The following CTNNA2 variants were observed in gnomAD, a reference collection of about 807,000 sequenced individuals.
CTNNA2 encodes the protein catenin alpha 2, also known as catenin alpha-2.
A neutral mutation model predicts 101.0 loss-of-function variants in CTNNA2; 42 were observed. The ratio of observed to expected loss-of-function variants is 0.42; its 90% CI spans 0.32 to 0.54. CTNNA2 has a LOEUF of 0.54. CTNNA2 is among the 20% of genes least tolerant of loss of function. The pLI is 0.14. For missense variants in CTNNA2, 871 were observed against 1,223.1 expected (o/e 0.71, Z 4.29); for synonymous variants, 450 against 456.4 (o/e 0.99, Z 0.18).
At chr2:79,438,624 A>G (rs1453679751) in intron 4 of CTNNA2, among the ~76,000 whole-genome samples, 1 of 152,162 alleles carries the variant, frequency 6.6e-6, no homozygotes, top group Non-Finnish European at 1.5e-5. Context: ...GTCTCCTGAC[A>G]TTGCCAAATG....
chr2:80,112,451 A>G (rs1701276846), intron 7 of CTNNA2, among the ~76,000 whole-genome samples: 1 of 152,194 alleles, frequency 6.6e-6, no homozygotes, highest in African/African-American at 2.4e-5. Flanking sequence ...TGGGGATATA[A>G]TTTGTCTAGG....
At chr2:79,361,190 A>G (rs13012018) in intron 3 of CTNNA2, among the ~76,000 whole-genome samples, 44,912 of 152,130 alleles carry the variant, frequency 0.3, 6,797 homozygotes, top group Middle Eastern at 0.44. Context: ...CCTTTAAGAA[A>G]TGCTACCCTT....
chr2:79,698,855 C>T (rs1684811145), intron 2 of CTNNA2, among the ~76,000 whole-genome samples: 1 of 152,012 alleles, frequency 6.6e-6, no homozygotes, highest in African/African-American at 2.4e-5. Context: ...GATTGGCTAA[C>T]AAGACTTTTC....
intron 2 of CTNNA2, among the ~76,000 whole-genome samples, chr2:79,211,931 A>T (rs1021681724): frequency 6.6e-6 from 1 of 152,104 alleles, no homozygotes; most frequent in Non-Finnish European, 1.5e-5. Flanking sequence ...AAACTGAAGG[A>T]AGATTTTGTG....
intron 7 of CTNNA2, among the ~76,000 whole-genome samples, chr2:80,081,158 TA>T (rs1178635077): frequency 6.6e-6 from 1 of 151,448 alleles, no homozygotes; most frequent in Admixed American, 6.6e-5. Flanking sequence ...TTCCCCTTAA[TA>T]AAAACAACAT....
intron 9 of CTNNA2, among the ~76,000 whole-genome samples, chr2:80,473,960 A>G (rs966998208): frequency 6.6e-6 from 1 of 152,142 alleles, no homozygotes; most frequent in South Asian, 2.1e-4. Context: ...TTCTCTTTCC[A>G]AAACCATCTG....
chr2:80,321,406 C>T (rs1678669612), intron 7 of CTNNA2, among the ~76,000 whole-genome samples: 1 of 152,178 alleles, frequency 6.6e-6, no homozygotes, highest in East Asian at 1.9e-4. Context: ...CAGAAACACT[C>T]CCAGTACAGT....
chr2:79,594,306 GCA>G (rs1558757672), intron 1 of CTNNA2, among the ~76,000 whole-genome samples: 1 of 152,058 alleles, frequency 6.6e-6, no homozygotes, highest in East Asian at 1.9e-4. Flanking sequence ...CAGCTGTGTA[GCA>G]CAGAGGTTAT....
At chr2:79,639,153 G>A (rs1428308218) in intron 1 of CTNNA2, among the ~76,000 whole-genome samples, 3 of 152,172 alleles carry the variant, frequency 2.0e-5, no homozygotes, top group Non-Finnish European at 4.4e-5. Flanking sequence ...TCCCAGAGAT[G>A]CCCATCTCCA....
intron 2 of CTNNA2, among the ~76,000 whole-genome samples, chr2:79,251,890 T>A (rs913063781): frequency 2.0e-5 from 3 of 152,212 alleles, no homozygotes; most frequent in African/African-American, 4.8e-5. Flanking sequence ...TAATTTGTTA[T>A]ACAGCAATAT....
chr2:80,590,142 G>T (rs1696336994), intron 15 of CTNNA2, among the ~76,000 whole-genome samples: 1 of 152,220 alleles, frequency 6.6e-6, no homozygotes, highest in East Asian at 1.9e-4. Flanking sequence ...CTTCAACAAG[G>T]GTTAGTGCTC....
At chr2:79,271,805 G>C (rs925714391) in intron 2 of CTNNA2, among the ~76,000 whole-genome samples, 9 of 152,074 alleles carry the variant, frequency 5.9e-5, no homozygotes, top group African/African-American at 2.2e-4. Context: ...AGTAGTTCAA[G>C]CTGCATTTCA....
In CTNNA2 at chr2:79,766,814, G is replaced by A. The variant is rs192362431; in HGVS notation, c.298+22232G>A. On this transcript the variant is annotated intron_variant, in intron 3 of 18. Coordinates refer to ENST00000402739, the MANE Select transcript of CTNNA2 (RefSeq NM_001282597.3). Reference sequence around the variant, plus strand: ...TTTGTCACCCAGGCTGGAGTGCAGCGGCATGATCTCGGCTCACCGCAACCT... The same window carrying A: ...TTTGTCACCCAGGCTGGAGTGCAGCAGCATGATCTCGGCTCACCGCAACCT... Among the ~76,000 whole-genome samples the A allele has an allele frequency of 5.6e-3, 851 of 151,762 alleles. 9 individuals are homozygous for A. The highest frequency in any genetic ancestry group is 0.019 in the African/African-American group (799 of 41,356).
Position 79,270,687 on chromosome 2 carries a change from C to T in CTNNA2, c.-405-42022C>T, listed in dbSNP as rs115911696. 8.6e-3 allele frequency among the ~76,000 whole-genome samples: 1,310 copies of T among 152,024 alleles called. 15 individuals carry two copies. Among genetic ancestry groups the T allele is most frequent in the African/African-American group, 0.029 (1,210 of 41,352 alleles). On this transcript the variant is annotated intron_variant, in intron 2 of 21. Coordinates refer to the CTNNA2 transcript ENST00000466387. ...TAACCCTCAGGGTGAGCATAATCCA[C>T]TGTGTCCCACTCTGAAAAAATGCAC...
At chr2:79,412,696 A>G (rs1678429033) in intron 4 of CTNNA2, among the ~76,000 whole-genome samples, 2 of 152,090 alleles carry the variant, frequency 1.3e-5, no homozygotes, top group South Asian at 4.1e-4. Context: ...TTTGAAGCCA[A>G]CGAGAACAAA....
chr2:79,663,244 C>T (rs1169934603), intron 2 of CTNNA2, among the ~76,000 whole-genome samples: 1 of 152,180 alleles, frequency 6.6e-6, no homozygotes, highest in African/African-American at 2.4e-5. Context: ...ATCCACCAAT[C>T]CCATTCTTAC....
At chr2:80,231,425 C>T (rs550032385) in intron 7 of CTNNA2, among the ~76,000 whole-genome samples, 1 of 152,200 alleles carries the variant, frequency 6.6e-6, no homozygotes, top group Admixed American at 6.5e-5. Flanking sequence ...AGGCAAGGCA[C>T]TGTCCTTCTT....
intron 7 of CTNNA2, among the ~76,000 whole-genome samples, chr2:79,945,273 T>C (rs1373746994): frequency 6.6e-6 from 1 of 152,166 alleles, no homozygotes; most frequent in Non-Finnish European, 1.5e-5. Context: ...ATTCCTGGGC[T>C]CAAGCAATCC....
chr2:79,884,344 A>G (rs543743850), intron 6 of CTNNA2, among the ~76,000 whole-genome samples: 9 of 152,264 alleles, frequency 5.9e-5, no homozygotes, highest in South Asian at 2.1e-4. Context: ...CCATATTGCC[A>G]TATTTTCGTT....
Sources: allele counts gnomAD v4.1 joint callset (sites outside exome capture counted in the v4.1 genomes callset), GRCh38; gene constraint gnomAD v4.1.1; transcripts MANE v1.5; gene names NCBI Gene and HGNC (gene_info 2026-07-23, HGNC 2026-07-21).